The following SUCLG2 variants were observed in gnomAD, a reference collection of about 807,000 sequenced individuals.
SUCLG2 encodes succinate--CoA ligase [GDP-forming] subunit beta, mitochondrial.
Under a neutral mutation model 47.9 loss-of-function variants are expected in SUCLG2, and 42 were observed. The ratio of observed to expected loss-of-function variants is 0.88; its 90% CI spans 0.69 to 1.14. SUCLG2 has a LOEUF of 1.14. Among genes scored for constraint, SUCLG2 ranks in the 50% most tolerant of loss-of-function variants. The pLI, the probability that SUCLG2 is intolerant of heterozygous loss-of-function variation, is 0.00. For missense variants in SUCLG2, 571 were observed against 525.9 expected (o/e 1.09, Z -0.84); for synonymous variants, 195 against 197.3 (o/e 0.99, Z 0.10).
chr3:67,370,608 T>C (rs79679595), downstream of SUCLG2, among the ~76,000 whole-genome samples: 10,572 of 152,248 alleles, frequency 0.069, 901 homozygotes, highest in African/African-American at 0.2. Context: ...GCCCTACACA[T>C]AGCATGTCTT....
At chr3:67,396,386 A>G (rs1272367104) in intron 10 of SUCLG2, among the ~76,000 whole-genome samples, 1 of 152,114 alleles carries the variant, frequency 6.6e-6, no homozygotes, top group East Asian at 1.9e-4. Context: ...AGAGAATACT[A>G]CAAACACCTC....
intron 1 of SUCLG2, among the ~76,000 whole-genome samples, chr3:67,636,148 G>A (rs759116143): frequency 3.3e-5 from 5 of 152,068 alleles, no homozygotes; most frequent in Non-Finnish European, 5.9e-5. Flanking sequence ...CACCTTAGGA[G>A]AGGAAGTCAC....
intron 9 of SUCLG2, among the ~76,000 whole-genome samples, chr3:67,429,522 T>G (rs1703420512): frequency 6.6e-6 from 1 of 152,178 alleles, no homozygotes; most frequent in Non-Finnish European, 1.5e-5. Context: ...CCATCGATGC[T>G]AGGAAGAAAC....
intron 9 of SUCLG2, among the ~76,000 whole-genome samples, chr3:67,438,042 A>G (rs1006279827): frequency 1.3e-5 from 2 of 152,332 alleles, no homozygotes; most frequent in East Asian, 1.9e-4. Context: ...ACTGTGGCTC[A>G]GTGCAATCAA....
intron 1 of SUCLG2, among the ~76,000 whole-genome samples, chr3:67,631,238 T>C (rs1700920023): frequency 6.6e-6 from 1 of 152,192 alleles, no homozygotes; most frequent in Non-Finnish European, 1.5e-5. Context: ...CTAGTCGTCC[T>C]CACTGGCCTA....
At chr3:67,607,306 T>C (rs1292825956) in intron 2 of SUCLG2, among the ~76,000 whole-genome samples, 2 of 152,138 alleles carry the variant, frequency 1.3e-5, no homozygotes, top group South Asian at 2.1e-4. Flanking sequence ...TTTCTGAAGA[T>C]TGGGACAAAA....
rs575246795 is a variant in SUCLG2 at position 67,434,318 on chromosome 3, G to A, written c.1063-33467C>T. On this transcript the variant is annotated intron_variant, in intron 9 of 10. Coordinates refer to ENST00000307227, the MANE Select transcript of SUCLG2 (RefSeq NM_003848.4). The stretch of plus-strand genomic sequence containing the variant: ...AGGCGAGAGGATCTCTTGAGCTCAG[G>A]AGCTTGAGACCAGGCTGGGAAACAC... 1.1e-3 allele frequency among the ~76,000 whole-genome samples: 166 copies of A among 152,298 alleles called. 2 individuals carry two copies. In the South Asian group the frequency reaches 0.03, roughly 28 times the overall value.
rs1294793206 is a variant in SUCLG2 at position 67,375,152 on chromosome 3, T to A, written c.*592A>T. 3.0e-6 allele frequency: 3 copies of A among 984,986 alleles called. No homozygotes were observed. The highest frequency in any genetic ancestry group is 3.6e-6 in the Non-Finnish European group (3 of 829,290). The allele number at this position is 984,986 out of a possible 1,614,324, so 61.0% of individuals were successfully genotyped here. A position where few individuals can be genotyped will look rare whatever the true frequency, so the allele number is the denominator to read the frequency against. On this transcript the variant is annotated 3_prime_UTR_variant, in exon 11 of 11. Transcript: ENST00000307227. ...ATGGATGGTATATTAATGCAGATATTCCATTATTAAATATATTTTGGAATA... is the reference window on the plus strand; with the variant it reads ...ATGGATGGTATATTAATGCAGATATACCATTATTAAATATATTTTGGAATA...
chr3:67,374,739 T>A lies in SUCLG2; in HGVS notation c.*1005A>T. ...AGATCTTACAGCTTACAAAACATAA[T>A]TTTATTTAAATTTGTATAGATAAAA... On this transcript the variant is annotated 3_prime_UTR_variant, in exon 11 of 11. Coordinates refer to ENST00000307227, the MANE Select transcript of SUCLG2 (RefSeq NM_003848.4). The A allele has an allele frequency of 1.1e-6, 1 of 901,692 alleles. No homozygotes were observed. The highest frequency in any genetic ancestry group is 5.1e-5 in the South Asian group (1 of 19,526). 55.9% of individuals were successfully genotyped at this position (901,692 alleles called of 1,614,324 possible).
At chr3:67,392,880 T>C (rs559287246) in intron 10 of SUCLG2, among the ~76,000 whole-genome samples, 4 of 151,890 alleles carry the variant, frequency 2.6e-5, no homozygotes, top group Admixed American at 1.3e-4. Flanking sequence ...ATTGTCATGA[T>C]CATAGCTTGC....
rs1702028839 is a variant in SUCLG2 at position 67,375,999 on chromosome 3, T to C, written c.1184-140A>G. 7.9e-6 allele frequency: 11 copies of C among 1,387,686 alleles called. 1 individual carries two copies. The South Asian group carries it at 1.9e-4, about 23-fold the overall frequency. 86.0% of individuals were successfully genotyped at this position (1,387,686 alleles called of 1,614,324 possible). A position where few individuals can be genotyped will look rare whatever the true frequency, so the allele number is the denominator to read the frequency against. ...AAATATAGGTTCTCATCAAGGTCAC[T>C]GACAGAAAAGATTATGTGATGAAAT... On this transcript the variant is annotated intron_variant, in intron 10 of 10. Coordinates refer to ENST00000307227, the MANE Select transcript of SUCLG2 (RefSeq NM_003848.4).
intron 2 of SUCLG2, among the ~76,000 whole-genome samples, chr3:67,599,973 C>T (rs1346114521): frequency 6.6e-6 from 1 of 152,206 alleles, no homozygotes; most frequent in Non-Finnish European, 1.5e-5. Context: ...TTATGAACAT[C>T]TGTTAAACAT....
chr3:67,408,823 C>G lies in SUCLG2; in HGVS notation c.1063-7972G>C. Reference sequence around the variant, plus strand: ...CTCAATGAGCTTAAACATCACACAGCAGTAGGCAATGGTGTCAAGATTTAA... The same window carrying G: ...CTCAATGAGCTTAAACATCACACAGGAGTAGGCAATGGTGTCAAGATTTAA... On this transcript the variant is annotated intron_variant, in intron 9 of 10. Transcript: ENST00000307227. 5 of 1,413,122 alleles carry G rather than the reference C, an allele frequency of 3.5e-6. No individual in the cohort carries two copies. The South Asian group carries it at 8.2e-5, about 23-fold the overall frequency. 87.5% of individuals were successfully genotyped at this position (1,413,122 alleles called of 1,614,324 possible).
At chr3:67,376,386 T>A (rs1027099649) in intron 10 of SUCLG2, 2 of 985,282 alleles carry the variant, frequency 2.0e-6, no homozygotes, top group African/African-American at 3.5e-5. Flanking sequence ...CTGATGGCAA[T>A]CTCTTGACTG....
At chr3:67,646,740 G>A (rs183473005) in intron 1 of SUCLG2, among the ~76,000 whole-genome samples, 12 of 152,070 alleles carry the variant, frequency 7.9e-5, no homozygotes, top group East Asian at 1.9e-4. Context: ...AGTTAAACCC[G>A]GGCAGTCTGA....
chr3:67,422,472 T>TAAAAAAAAAA (rs1559520249), intron 9 of SUCLG2, among the ~76,000 whole-genome samples: 2 of 12,324 alleles, frequency 1.6e-4, no homozygotes, highest in African/African-American at 7.4e-4. Flanking sequence ...AGACTCCATC[T>TAAAAAAAAAA]CAAAAAAAAA....
intron 9 of SUCLG2, among the ~76,000 whole-genome samples, chr3:67,482,277 A>G (rs1028539448): frequency 2.6e-5 from 4 of 152,170 alleles, no homozygotes; most frequent in Non-Finnish European, 5.9e-5. Context: ...CCAAGCTGTA[A>G]CCACTAGAAG....
chr3:67,413,701 T>TTTCTAGGAACTGAGCAGCATCCAGTA (rs2106842163), intron 9 of SUCLG2, among the ~76,000 whole-genome samples: 1 of 152,320 alleles, frequency 6.6e-6, no homozygotes, highest in South Asian at 2.1e-4. Context: ...CCACATGGCT[T>TTTCTAGGAACTGAGCAGCATCCAGTA]TTCTAGGAAC....
intron 9 of SUCLG2, among the ~76,000 whole-genome samples, chr3:67,460,311 A>T (rs1350682813): frequency 6.6e-6 from 1 of 152,234 alleles, no homozygotes; most frequent in Non-Finnish European, 1.5e-5. Flanking sequence ...TAATCACATG[A>T]TAGTACAATA....
Sources: gnomAD v4.1 joint callset for allele counts (sites outside exome capture counted in the v4.1 genomes callset) on GRCh38, gnomAD v4.1.1 for gene constraint, MANE v1.5 for transcripts, NCBI Gene and HGNC (gene_info 2026-07-23, HGNC 2026-07-21) for gene names.